Variants in ADGRB3 observed in about 807,000 individuals in gnomAD.
ADGRB3 encodes adhesion G protein-coupled receptor B3, also known as brain-specific angiogenesis inhibitor 3.
A neutral mutation model predicts 193.4 loss-of-function variants in ADGRB3; 37 were observed. The observed-to-expected ratio is 0.19, with a 90% confidence interval of 0.15 to 0.25. The LOEUF is 0.25. ADGRB3 is among the 10% of genes least tolerant of loss of function. The pLI is 1.00. For missense variants in ADGRB3, 1,637 were observed against 1,852.9 expected, an observed-to-expected ratio of 0.88 and a Z score of 2.14; for synonymous variants, 690 against 644.2, an observed-to-expected ratio of 1.07 and a Z score of -1.08.
At chr6:69,049,550 T>A (rs1771333688) in intron 15 of ADGRB3, among the ~76,000 whole-genome samples, 1 of 152,162 alleles carries the variant, frequency 6.6e-6, no homozygotes, top group Non-Finnish European at 1.5e-5. Context: ...GGTGTCTGAC[T>A]GTAGCCCTGC....
chr6:69,156,448 C>G (rs1774842029), intron 17 of ADGRB3, among the ~76,000 whole-genome samples: 1 of 152,102 alleles, frequency 6.6e-6, no homozygotes, highest in African/African-American at 2.4e-5. Context: ...GACGATGGCC[C>G]TCAGGCAGGA....
intron 17 of ADGRB3, among the ~76,000 whole-genome samples, chr6:69,185,497 A>G (rs1321265758): frequency 6.6e-6 from 1 of 152,184 alleles, no homozygotes; most frequent in Non-Finnish European, 1.5e-5. Flanking sequence ...GCGTATTGGT[A>G]CAAGTATCAG....
chr6:69,032,133 G>A (rs73467735), intron 13 of ADGRB3, among the ~76,000 whole-genome samples: 2,429 of 152,202 alleles, frequency 0.016, 58 homozygotes, highest in African/African-American at 0.051. Flanking sequence ...GAAACTAGGT[G>A]GCAAGTGGCT....
chr6:68,659,374 T>TA (rs1376985125), intron 3 of ADGRB3, among the ~76,000 whole-genome samples: 11 of 150,836 alleles, frequency 7.3e-5, no homozygotes, highest in African/African-American at 2.7e-4. Flanking sequence ...TCATTGTCAG[T>TA]AAAAAAATAG....
intron 30 of ADGRB3, among the ~76,000 whole-genome samples, chr6:69,375,848 C>T (rs1037688587): frequency 2.6e-5 from 4 of 151,794 alleles, no homozygotes; most frequent in East Asian, 1.9e-4. Flanking sequence ...GAGGCTGGGG[C>T]GGGAGAATTG....
rs140221715 is a variant in ADGRB3, at chr6:69,147,074, A to G, written c.2480+71036A>G. Among the ~76,000 whole-genome samples, 51 of 151,550 alleles carry G rather than the reference A, an allele frequency of 3.4e-4. No homozygotes were observed. The East Asian group carries it at 8.7e-3, about 26-fold the overall frequency. On this transcript the variant is annotated intron_variant, in intron 17 of 31. Transcript: ENST00000370598. ...TCTTAGTCTGGCAAAAGGTTTTTTTATCTTTTATTAAAAAAACACTTTTTG... is the reference window on the plus strand; with the variant it reads ...TCTTAGTCTGGCAAAAGGTTTTTTTGTCTTTTATTAAAAAAACACTTTTTG...
rs545762112 is a variant in ADGRB3 at position 69,018,040 on chromosome 6, A to T, written c.1999-351A>T. Among the ~76,000 whole-genome samples, 6 of 152,036 alleles carry T rather than the reference A, an allele frequency of 3.9e-5. No individual in the cohort carries two copies. The South Asian group carries it at 1.2e-3, about 32-fold the overall frequency. ...TGTTCCTCATATAGATGCCAAGCTAAACATGTAAAGAGCCCAATTTCAGTG... is the reference window on the plus strand; with the variant it reads ...TGTTCCTCATATAGATGCCAAGCTATACATGTAAAGAGCCCAATTTCAGTG... On this transcript the variant is annotated intron_variant, in intron 12 of 31. Coordinates refer to ENST00000370598, the MANE Select transcript of ADGRB3 (RefSeq NM_001704.3).
intron 28 of ADGRB3, among the ~76,000 whole-genome samples, chr6:69,357,354 G>T (rs142084029): frequency 1.7e-3 from 263 of 152,000 alleles, no homozygotes; most frequent in African/African-American, 6.1e-3. Context: ...TGTTTTCCTT[G>T]AAAAAGAAAT....
chr6:69,258,016 T>G (rs1766820171), intron 20 of ADGRB3, among the ~76,000 whole-genome samples: 1 of 152,144 alleles, frequency 6.6e-6, no homozygotes, highest in Non-Finnish European at 1.5e-5. Flanking sequence ...ATAAAGAGGA[T>G]CCTTGTTAAG....
At chr6:69,262,534 A>G (rs1766952683) in intron 20 of ADGRB3, among the ~76,000 whole-genome samples, 1 of 151,910 alleles carries the variant, frequency 6.6e-6, no homozygotes, top group African/African-American at 2.4e-5. Context: ...CCTATCATTT[A>G]TTGGCAATTT....
chr6:68,666,931 G>A (rs2127292400), intron 3 of ADGRB3, among the ~76,000 whole-genome samples: 1 of 151,414 alleles, frequency 6.6e-6, no homozygotes, highest in Non-Finnish European at 1.5e-5. Flanking sequence ...AAATTAATGT[G>A]GTTATTTTTA....
intron 24 of ADGRB3, among the ~76,000 whole-genome samples, chr6:69,333,759 C>T (rs1442907624): frequency 6.6e-6 from 1 of 150,660 alleles, no homozygotes. Context: ...GAAACCCCGT[C>T]TCTACTAAAA....
At chr6:69,293,907 A>G (rs1767749910) in intron 20 of ADGRB3, among the ~76,000 whole-genome samples, 1 of 151,926 alleles carries the variant, frequency 6.6e-6, no homozygotes, top group Admixed American at 6.6e-5. Context: ...ACAGGAAGGA[A>G]CAGAGTAGGA....
intron 3 of ADGRB3, among the ~76,000 whole-genome samples, chr6:68,672,388 G>A (rs1372467086): frequency 6.6e-6 from 1 of 150,880 alleles, no homozygotes; most frequent in Non-Finnish European, 1.5e-5. Context: ...CTTTTTTGAT[G>A]CATGCACTTG....
At chr6:68,706,146 A>G (rs1765322878) in intron 3 of ADGRB3, among the ~76,000 whole-genome samples, 1 of 152,092 alleles carries the variant, frequency 6.6e-6, no homozygotes, top group Non-Finnish European at 1.5e-5. Context: ...GCTTGAGTAG[A>G]GTTTGGTCAA....
At chr6:68,926,115 A>G (rs983887182) in intron 3 of ADGRB3, among the ~76,000 whole-genome samples, 21 of 152,266 alleles carry the variant, frequency 1.4e-4, no homozygotes, top group African/African-American at 5.1e-4. Context: ...CTCGACATCT[A>G]GAAACTTGCA....
At chr6:69,103,017 C>T (rs1278052700) in intron 17 of ADGRB3, among the ~76,000 whole-genome samples, 1 of 152,038 alleles carries the variant, frequency 6.6e-6, no homozygotes, top group East Asian at 1.9e-4. Context: ...CTCATGACAA[C>T]AATGCCAAAA....
intron 6 of ADGRB3, among the ~76,000 whole-genome samples, 154 bp from the exon 7 acceptor site, chr6:68,955,870 T>C (rs1009641102): frequency 3.3e-5 from 5 of 151,856 alleles, no homozygotes. Context: ...ATTTGGGGAG[T>C]TAATAAAATC....
chr6:68,638,625 C>G (rs747611787), intron 2 of ADGRB3, 36 bp from the exon 3 acceptor site: 3 of 1,538,870 alleles, frequency 1.9e-6, no homozygotes, highest in Admixed American at 2.0e-5. Flanking sequence ...CACGTAGACT[C>G]CTACTTGCAT....
Sources: gnomAD v4.1 joint callset for allele counts (sites outside exome capture counted in the v4.1 genomes callset) on GRCh38, gnomAD v4.1.1 for gene constraint, MANE v1.5 for transcripts, NCBI Gene and HGNC (gene_info 2026-07-23, HGNC 2026-07-21) for gene names.